RAB30: variants seen among roughly 807,000 people sequenced by gnomAD.
RAB30 encodes RAB30, member RAS oncogene family.
A neutral mutation model predicts 25.1 loss-of-function variants in RAB30; 9 were observed. That is an observed-to-expected ratio of 0.36 (90% CI 0.22 to 0.63). The LOEUF is 0.63. Among genes scored for constraint, RAB30 ranks in the 20% least tolerant of loss-of-function variants. The pLI is 0.69. For synonymous variants in RAB30, 77 were observed against 86.4 expected, an observed-to-expected ratio of 0.89 and a Z score of 0.60; for missense variants, 140 against 243.5, an observed-to-expected ratio of 0.58 and a Z score of 2.83.
chr11:83,054,160 T>G (rs1858410563), intron 1 of RAB30, among the ~76,000 whole-genome samples: 1 of 152,166 alleles, frequency 6.6e-6, no homozygotes, highest in Non-Finnish European at 1.5e-5. Flanking sequence ...TGTGGTCTTC[T>G]TCATTATCTT....
chr11:83,059,836 C>T (rs141528336), intron 1 of RAB30, among the ~76,000 whole-genome samples: 71 of 151,870 alleles, frequency 4.7e-4, no homozygotes, highest in African/African-American at 1.6e-3. Flanking sequence ...GGAAAAAAGG[C>T]AAGAAGATTA....
chr11:83,046,413 A>C (rs985715760), intron 1 of RAB30, among the ~76,000 whole-genome samples: 1 of 152,184 alleles, frequency 6.6e-6, no homozygotes, highest in African/African-American at 2.4e-5. Flanking sequence ...AATGAAGGGA[A>C]TCTATTAGAT....
At chr11:83,063,620 C>T (rs1339881946) in intron 1 of RAB30, among the ~76,000 whole-genome samples, 1 of 152,154 alleles carries the variant, frequency 6.6e-6, no homozygotes, top group African/African-American at 2.4e-5. Context: ...TTTTTGCCCC[C>T]GTTCTGTTCA....
rs1446189295 is a variant in RAB30, at chr11:83,044,164, A to G, written c.-9+27527T>C. ...AAAACAAATATTCCTGTGTTTCTCTATTTTAAGAGATTTCTCAAACACCTG... is the reference window on the plus strand; with the variant it reads ...AAAACAAATATTCCTGTGTTTCTCTGTTTTAAGAGATTTCTCAAACACCTG... On this transcript the variant is annotated intron_variant, in intron 1 of 4. Transcript: ENST00000527633. Among the ~76,000 whole-genome samples the G allele has an allele frequency of 2.0e-5, 3 of 152,328 alleles. No individual in the cohort carries two copies. In the East Asian group the frequency reaches 5.8e-4, roughly 29 times the overall value.
rs1439735960 is a variant in RAB30, at chr11:82,980,522, T to C, written c.*1643A>G. On this transcript the variant is annotated 3_prime_UTR_variant, in exon 5 of 5. Transcript: ENST00000527633. ...CATATCAGAACTGAGATTGTCACCA[T>C]CTACAGCAACAGTGGAATTACACAT... 1 of 152,232 alleles carries C rather than the reference T, an allele frequency of 6.6e-6. No individual in the cohort carries two copies. Among genetic ancestry groups the C allele is most frequent in the African/African-American group, 2.4e-5 (1 of 41,458 alleles). 9.4% of individuals were successfully genotyped at this position (152,232 alleles called of 1,614,324 possible). A position where few individuals can be genotyped will look rare whatever the true frequency, so the allele number is the denominator to read the frequency against.
At chr11:83,050,465 AAGG>A (rs1403114797) in intron 1 of RAB30, among the ~76,000 whole-genome samples, 5 of 152,170 alleles carry the variant, frequency 3.3e-5, no homozygotes, top group Non-Finnish European at 5.9e-5. Flanking sequence ...GATGATGGAA[AAGG>A]AGGAGAGGGG....
intron 1 of RAB30, among the ~76,000 whole-genome samples, chr11:83,033,142 A>G (rs1231552274): frequency 7.2e-6 from 1 of 139,092 alleles, no homozygotes; most frequent in Non-Finnish European, 1.5e-5. Context: ...TCAGCTCACT[A>G]CAACCTCTGC....
chr11:83,010,768 G>T (rs1022030824), intron 1 of RAB30, among the ~76,000 whole-genome samples: 2 of 152,088 alleles, frequency 1.3e-5, no homozygotes, highest in Non-Finnish European at 2.9e-5. Context: ...GGAAATAACT[G>T]AACGAACCCA....
At chr11:83,047,788 G>C (rs1858264663) in intron 1 of RAB30, among the ~76,000 whole-genome samples, 1 of 151,326 alleles carries the variant, frequency 6.6e-6, no homozygotes, top group African/African-American at 2.4e-5. Flanking sequence ...CTTTTTGATT[G>C]CTAACAATGA....
In RAB30 at chr11:82,979,185, C is replaced by G. The variant is rs533160118; in HGVS notation, c.*2980G>C. 2.4e-4 allele frequency: 36 copies of G among 152,128 alleles called. No individual in the cohort carries two copies. Among genetic ancestry groups the G allele is most frequent in the Non-Finnish European group, 4.4e-4 (30 of 68,018 alleles). 9.4% of individuals were successfully genotyped at this position (152,128 alleles called of 1,614,324 possible). A position where few individuals can be genotyped will look rare whatever the true frequency, so the allele number is the denominator to read the frequency against. ...CAAAGCCATAAGAAAATATCATTAT[C>G]AGCAAACTATTATTTCATAGATTTT... On this transcript the variant is annotated 3_prime_UTR_variant, in exon 5 of 5. Transcript: ENST00000527633.
intron 1 of RAB30, among the ~76,000 whole-genome samples, chr11:83,026,013 A>ACC (rs1285787112): frequency 6.6e-6 from 1 of 151,972 alleles, no homozygotes. Flanking sequence ...ACATAGTGAG[A>ACC]CCCCCATCTC....
rs1856654393 is a variant in RAB30, at chr11:82,982,293, G to C, written c.484C>G (p.Leu162Val). The C allele has an allele frequency of 1.2e-6, 2 of 1,614,234 alleles. No homozygotes were observed. Among genetic ancestry groups the C allele is most frequent in the Non-Finnish European group, 1.7e-6 (2 of 1,180,042 alleles). ...AGTCGGCATGCTAAGTCAAGGAAGA[G>C]TTTCTCCACATTATCAGATTCCTTG... ...SAKESDNVEKLFLDLACRLIS... is the reference protein window; with the variant it reads ...SAKESDNVEKVFLDLACRLIS... The change falls in exon 5 of 5, where the codon CTC becomes GTC. Residue 162 changes from leucine (L) to valine (V), a missense_variant. Transcript: ENST00000527633.
At chr11:83,008,808 C>G (rs967363668) in intron 1 of RAB30, among the ~76,000 whole-genome samples, 5 of 152,146 alleles carry the variant, frequency 3.3e-5, no homozygotes, top group Admixed American at 6.6e-5. Context: ...AGCTCTCCCC[C>G]ACCCAGCCTA....
chr11:83,025,308 G>A (rs1857683710), intron 1 of RAB30, among the ~76,000 whole-genome samples: 1 of 152,152 alleles, frequency 6.6e-6, no homozygotes, highest in African/African-American at 2.4e-5. Flanking sequence ...ATCAAACGAA[G>A]GAAACAACAC....
intron 1 of RAB30, among the ~76,000 whole-genome samples, chr11:83,009,110 C>A (rs1857250331): frequency 6.6e-6 from 1 of 151,298 alleles, no homozygotes; most frequent in Admixed American, 6.6e-5. Flanking sequence ...TTCTCATCAC[C>A]CAGGCTGAAG....
chr11:83,030,425 G>A (rs115401472), intron 1 of RAB30, among the ~76,000 whole-genome samples: 2,193 of 152,026 alleles, frequency 0.014, 65 homozygotes, highest in African/African-American at 0.051. Flanking sequence ...TTGATCTCAG[G>A]AGGTCAAGGC....
At chr11:83,029,346 T>G (rs1857798020) in intron 1 of RAB30, among the ~76,000 whole-genome samples, 2 of 152,050 alleles carry the variant, frequency 1.3e-5, no homozygotes. Context: ...TTTGACACGT[T>G]AACTTAATCT....
intron 1 of RAB30, among the ~76,000 whole-genome samples, chr11:83,060,764 G>A (rs11233443): frequency 0.21 from 32,512 of 152,030 alleles, 4,193 homozygotes; most frequent in Admixed American, 0.28. Flanking sequence ...ACCTAGTAAA[G>A]CATTATTTGG....
At chr11:82,998,693 T>G in intron 1 of RAB30, among the ~76,000 whole-genome samples, 2 of 147,016 alleles carry the variant, frequency 1.4e-5, no homozygotes, top group Non-Finnish European at 1.5e-5. Flanking sequence ...AAGACCAACA[T>G]GAGAAAAGTT....
Sources: allele counts gnomAD v4.1 joint callset (sites outside exome capture counted in the v4.1 genomes callset), GRCh38; gene constraint gnomAD v4.1.1; transcripts MANE v1.5; gene names NCBI Gene and HGNC (gene_info 2026-07-23, HGNC 2026-07-21).